Variants in KIF16B observed in about 807,000 individuals in gnomAD.
KIF16B encodes kinesin-like protein KIF16B.
A neutral mutation model predicts 156.3 loss-of-function variants in KIF16B; 98 were observed. The ratio of observed to expected loss-of-function variants is 0.63; its 90% CI spans 0.53 to 0.74. The LOEUF (loss-of-function observed/expected upper bound fraction) is 0.74, where lower values mean the gene tolerates loss of function less well. KIF16B is among the 30% of genes least tolerant of loss of function. The probability of loss-of-function intolerance (pLI) is 0.00; values close to 1 mark genes in which losing one functional copy is unlikely to be tolerated. For synonymous variants in KIF16B, 564 were observed against 583.7 expected (o/e 0.97, Z 0.49); for missense variants, 1,421 against 1,606.5 (o/e 0.88, Z 1.97).
intron 15 of KIF16B, among the ~76,000 whole-genome samples, chr20:16,421,135 C>A (rs1370877305): frequency 6.6e-6 from 1 of 152,082 alleles, no homozygotes; most frequent in Non-Finnish European, 1.5e-5. Context: ...TCTGTTAATT[C>A]AAATTTGACT....
intron 22 of KIF16B, among the ~76,000 whole-genome samples, chr20:16,359,640 T>C (rs1047522362): frequency 7.7e-6 from 1 of 129,856 alleles, no homozygotes; most frequent in African/African-American, 3.1e-5. Context: ...AGGCTCAGGA[T>C]CATAGATTCT....
intron 23 of KIF16B, among the ~76,000 whole-genome samples, chr20:16,344,175 G>C (rs1030902748): frequency 6.6e-6 from 1 of 152,196 alleles, no homozygotes; most frequent in African/African-American, 2.4e-5. Flanking sequence ...TATTCCAAAT[G>C]TATGAATCTG....
intron 23 of KIF16B, among the ~76,000 whole-genome samples, chr20:16,342,625 T>C (rs1402337401): frequency 6.6e-6 from 1 of 152,212 alleles, no homozygotes; most frequent in Non-Finnish European, 1.5e-5. Context: ...CTCAATATAT[T>C]TGTAACACGA....
intron 24 of KIF16B, among the ~76,000 whole-genome samples, chr20:16,333,637 A>G (rs559144991): frequency 6.6e-6 from 1 of 152,326 alleles, no homozygotes; most frequent in Non-Finnish European, 1.5e-5. Context: ...GGTACCAAGT[A>G]ACTTCTTCGA....
chr20:16,458,372 C>T (rs1050477548), intron 12 of KIF16B, among the ~76,000 whole-genome samples: 1 of 152,170 alleles, frequency 6.6e-6, no homozygotes, highest in Non-Finnish European at 1.5e-5. Context: ...AATTGCTCAG[C>T]CCAACGGTGG....
At position 16,573,399 on chromosome 20, in the gene KIF16B, G is replaced by T. The variant is rs1361467083; in HGVS notation, c.-124C>A. 1.8e-6 allele frequency: 2 copies of T among 1,088,170 alleles called. No homozygotes were observed. Among genetic ancestry groups the T allele is most frequent in the Non-Finnish European group, 2.7e-6 (2 of 753,480 alleles). The allele number at this position is 1,088,170 out of a possible 1,614,324, so 67.4% of individuals were successfully genotyped here. A position where few individuals can be genotyped will look rare whatever the true frequency, so the allele number is the denominator to read the frequency against. On this transcript the variant is annotated 5_prime_UTR_variant, in exon 1 of 26. Coordinates refer to ENST00000354981, the MANE Select transcript of KIF16B (RefSeq NM_024704.5). ...CTCTCGCCCCCGCCCCTCTGCTCCC[G>T]GCCGGACCTGGAGTTCCGCGGCAGC...
chr20:16,502,062 T>A (rs1386784290), intron 10 of KIF16B, among the ~76,000 whole-genome samples: 1 of 152,098 alleles, frequency 6.6e-6, no homozygotes, highest in Non-Finnish European at 1.5e-5. Flanking sequence ...TAGATCTACA[T>A]AGTAGAAGAA....
At chr20:16,404,944 G>T (rs2146264062) in intron 16 of KIF16B, 43 bp from the exon 17 acceptor site, 1 of 1,421,152 alleles carries the variant, frequency 7.0e-7, no homozygotes, top group Non-Finnish European at 9.9e-7. Flanking sequence ...TAGCAGAGAA[G>T]AAAAGGCCAC....
intron 2 of KIF16B, among the ~76,000 whole-genome samples, chr20:16,527,228 T>C (rs1246080300): frequency 3.3e-5 from 5 of 152,200 alleles, no homozygotes; most frequent in African/African-American, 1.2e-4. Flanking sequence ...AGGGTTGTGC[T>C]AAGCAGAGGA....
chr20:16,339,913 T>A (rs914107258), intron 23 of KIF16B, among the ~76,000 whole-genome samples: 1 of 152,154 alleles, frequency 6.6e-6, no homozygotes, highest in African/African-American at 2.4e-5. Context: ...CTTGCCTCCT[T>A]CCTTCATTTT....
intron 25 of KIF16B, among the ~76,000 whole-genome samples, chr20:16,302,572 GT>G (rs2063488426): frequency 6.6e-6 from 1 of 152,140 alleles, no homozygotes; most frequent in Admixed American, 6.5e-5. Context: ...TTTGGAGTGA[GT>G]TGAATCTATA....
intron 17 of KIF16B, among the ~76,000 whole-genome samples, chr20:16,402,418 G>C (rs1322623520): frequency 6.6e-6 from 1 of 152,160 alleles, no homozygotes. Context: ...TGGTTCATAG[G>C]AGGCATTCAG....
At chr20:16,562,095 T>C (rs1461605211) in intron 1 of KIF16B, among the ~76,000 whole-genome samples, 1 of 152,250 alleles carries the variant, frequency 6.6e-6, no homozygotes, top group African/African-American at 2.4e-5. Flanking sequence ...GAAGAGTTTA[T>C]ATATGGGAAC....
Position 16,379,309 on chromosome 20 carries a change from A to T in KIF16B, c.2693T>A (p.Val898Glu). ...VPQDFEKIKPVEYRLQYKERQ... is the reference protein window; with the variant it reads ...VPQDFEKIKPEEYRLQYKERQ... ...TTCTTTATATTGCAGCCTGTACTCC[A>T]CTGGCTTTATTTTCTCGAAATCTTG... The change falls in exon 19 of 26, where the codon GTG (valine) becomes GAG (glutamate). Residue 898 changes from valine (V) to glutamate (E), a missense_variant. Coordinates refer to ENST00000354981, the MANE Select transcript of KIF16B (RefSeq NM_024704.5). The T allele has an allele frequency of 6.2e-7, 1 of 1,609,604 alleles. No individual in the cohort carries two copies. The highest frequency in any genetic ancestry group is 1.1e-5 in the South Asian group (1 of 90,220).
intron 16 of KIF16B, 144 bp from the exon 17 acceptor site, chr20:16,405,045 G>C (rs2065748271): frequency 1.6e-6 from 1 of 635,506 alleles, no homozygotes; most frequent in Non-Finnish European, 2.8e-6. Context: ...GTCTATCTGA[G>C]GAAAGCAGAT....
chr20:16,528,464 T>C, intron 1 of KIF16B, 24 bp from the exon 2 acceptor site: 2 of 1,480,008 alleles, frequency 1.4e-6, no homozygotes, highest in Non-Finnish European at 9.4e-7. Context: ...AATTCAGTAG[T>C]GGTTAGAAGA....
chr20:16,286,394 T>A (rs1454404599), intron 25 of KIF16B, among the ~76,000 whole-genome samples: 2 of 152,142 alleles, frequency 1.3e-5, no homozygotes, highest in African/African-American at 4.8e-5. Context: ...ACATCCAACA[T>A]TTCCGTCTGA....
intron 12 of KIF16B, among the ~76,000 whole-genome samples, chr20:16,485,757 G>A (rs2068095736): frequency 6.6e-6 from 1 of 152,126 alleles, no homozygotes; most frequent in Non-Finnish European, 1.5e-5. Flanking sequence ...ATATCCTAAT[G>A]GATGTCAATT....
chr20:16,420,266 A>G (rs1341662353), intron 15 of KIF16B, among the ~76,000 whole-genome samples: 2 of 152,170 alleles, frequency 1.3e-5, no homozygotes. Flanking sequence ...GAAACAGTTT[A>G]TGCAATCTGA....
Sources: gnomAD v4.1 joint callset for allele counts (sites outside exome capture counted in the v4.1 genomes callset) on GRCh38, gnomAD v4.1.1 for gene constraint, MANE v1.5 for transcripts, NCBI Gene and HGNC (gene_info 2026-07-23, HGNC 2026-07-21) for gene names.